The following ZNF385D variants were observed in gnomAD, a reference collection of about 807,000 sequenced individuals.
ZNF385D encodes zinc finger protein 659.
A neutral mutation model predicts 35.8 loss-of-function variants in ZNF385D; 15 were observed. That is an observed-to-expected ratio of 0.42 (90% CI 0.28 to 0.64). The LOEUF (loss-of-function observed/expected upper bound fraction) is 0.64, where lower values mean the gene tolerates loss of function less well. ZNF385D is among the 30% of genes least tolerant of loss of function. The probability of loss-of-function intolerance (pLI) is 0.23; values close to 1 mark genes in which losing one functional copy is unlikely to be tolerated. For missense variants in ZNF385D, 474 were observed against 494.6 expected (o/e 0.96, Z 0.39); for synonymous variants, 212 against 186.8 (o/e 1.13, Z -1.10).
chr3:21,781,150 C>T (rs943067942), intron 3 of ZNF385D, among the ~76,000 whole-genome samples: 1 of 151,740 alleles, frequency 6.6e-6, no homozygotes, highest in African/African-American at 2.4e-5. Context: ...CTATAGTGTT[C>T]CTTTAGAAAA....
intron 3 of ZNF385D, among the ~76,000 whole-genome samples, chr3:21,822,494 G>A (rs563939791): frequency 3.3e-5 from 5 of 152,168 alleles, no homozygotes; most frequent in East Asian, 3.9e-4. Context: ...ATGTAAAATC[G>A]TACAACAATT....
intron 3 of ZNF385D, among the ~76,000 whole-genome samples, chr3:21,828,071 T>A (rs922774126): frequency 6.6e-6 from 1 of 152,226 alleles, no homozygotes. Flanking sequence ...CAACTAAATC[T>A]ATGGGAATAT....
intron 2 of ZNF385D, among the ~76,000 whole-genome samples, chr3:21,568,714 C>G (rs936963528): frequency 6.6e-6 from 1 of 151,934 alleles, no homozygotes; most frequent in East Asian, 1.9e-4. Context: ...TTAATATAAC[C>G]AAGGTTTTTA....
At chr3:21,791,975 C>T (rs948323271) in intron 3 of ZNF385D, among the ~76,000 whole-genome samples, 2 of 152,134 alleles carry the variant, frequency 1.3e-5, no homozygotes, top group South Asian at 2.1e-4. Context: ...CCTCGTGATC[C>T]ACCTACCTCA....
intron 3 of ZNF385D, among the ~76,000 whole-genome samples, chr3:21,527,854 G>A (rs1047649778): frequency 6.6e-6 from 1 of 151,976 alleles, no homozygotes; most frequent in African/African-American, 2.4e-5. Context: ...TCATTTTCAT[G>A]GATTTTTACG....
chr3:22,011,297 ATTC>A (rs1025310699), intron 3 of ZNF385D, among the ~76,000 whole-genome samples: 4 of 152,276 alleles, frequency 2.6e-5, no homozygotes, highest in African/African-American at 7.2e-5. Flanking sequence ...GAAGAGCAGT[ATTC>A]TTATTTTAGA....
intron 2 of ZNF385D, among the ~76,000 whole-genome samples, chr3:22,343,336 A>G (rs73822149): frequency 6.6e-6 from 1 of 152,228 alleles, no homozygotes; most frequent in South Asian, 2.1e-4. Context: ...CTACTGTGGA[A>G]GCCAAAGGTG....
chr3:22,325,966 T>C (rs1441268519), intron 2 of ZNF385D, among the ~76,000 whole-genome samples: 1 of 152,116 alleles, frequency 6.6e-6, no homozygotes, highest in East Asian at 1.9e-4. Flanking sequence ...CAAAGTACCA[T>C]ACCTCATAGC....
At chr3:21,600,770 G>C (rs1450752377) in intron 2 of ZNF385D, among the ~76,000 whole-genome samples, 3 of 151,836 alleles carry the variant, frequency 2.0e-5, no homozygotes, top group Non-Finnish European at 4.4e-5. Context: ...AAATAGAAAA[G>C]GATGCTGATG....
intron 2 of ZNF385D, among the ~76,000 whole-genome samples, chr3:21,577,582 C>T (rs1193395332): frequency 1.3e-5 from 2 of 152,082 alleles, no homozygotes. Flanking sequence ...GAGGAACCTA[C>T]GTGCTGTTTT....
intron 4 of ZNF385D, among the ~76,000 whole-genome samples, chr3:21,487,758 C>A (rs1315960806): frequency 1.3e-5 from 2 of 152,116 alleles, no homozygotes; most frequent in African/African-American, 2.4e-5. Flanking sequence ...AAATCTCTAT[C>A]AGATGTGTAA....
upstream of ZNF385D, among the ~76,000 whole-genome samples, chr3:21,753,989 T>C (rs557411480): frequency 3.9e-5 from 6 of 152,304 alleles, no homozygotes; most frequent in South Asian, 1.2e-3. Flanking sequence ...GTCCTCCAGG[T>C]TTATCCATAT....
intron 1 of ZNF385D, among the ~76,000 whole-genome samples, chr3:21,747,425 C>T (rs1372176687): frequency 1.3e-5 from 2 of 152,170 alleles, no homozygotes; most frequent in East Asian, 3.9e-4. Flanking sequence ...CTGAAAGCTT[C>T]CTGATATGCA....
chr3:22,033,676 TAAC>T (rs1190860216), intron 3 of ZNF385D, among the ~76,000 whole-genome samples: 1 of 152,058 alleles, frequency 6.6e-6, no homozygotes, highest in Admixed American at 6.6e-5. Flanking sequence ...AAGGTGATTA[TAAC>T]AAGAACAATG....
intron 3 of ZNF385D, among the ~76,000 whole-genome samples, chr3:21,919,512 A>G (rs1171070950): frequency 1.3e-5 from 2 of 152,212 alleles, no homozygotes; most frequent in Non-Finnish European, 2.9e-5. Context: ...TAAGCAAAAC[A>G]AGTAGTGGGA....
chr3:22,321,104 C>A (rs1192919085), intron 2 of ZNF385D, among the ~76,000 whole-genome samples: 1 of 147,808 alleles, frequency 6.8e-6, no homozygotes, highest in Non-Finnish European at 1.5e-5. Flanking sequence ...ACACTTCATC[C>A]TGTTCAAATT....
intron 1 of ZNF385D, among the ~76,000 whole-genome samples, chr3:21,687,594 A>G (rs191891427): frequency 6.6e-6 from 1 of 152,202 alleles, no homozygotes; most frequent in East Asian, 1.9e-4. Context: ...CAGGGTTCAT[A>G]GTTTACATTA....
At chr3:21,626,468 A>G (rs2065137780) in intron 2 of ZNF385D, among the ~76,000 whole-genome samples, 1 of 152,244 alleles carries the variant, frequency 6.6e-6, no homozygotes, top group South Asian at 2.1e-4. Context: ...TTAAGATAAT[A>G]TTTGGTTCTG....
chr3:21,764,975 T>C (rs899549318), intron 3 of ZNF385D, among the ~76,000 whole-genome samples: 2 of 152,168 alleles, frequency 1.3e-5, no homozygotes, highest in African/African-American at 2.4e-5. Flanking sequence ...TCTTCTAGCA[T>C]TGAGACGTAT....
Sources: gnomAD v4.1 joint callset for allele counts (sites outside exome capture counted in the v4.1 genomes callset) on GRCh38, gnomAD v4.1.1 for gene constraint, MANE v1.5 for transcripts, NCBI Gene and HGNC (gene_info 2026-07-23, HGNC 2026-07-21) for gene names.